Variants in MACROD2 observed in about 807,000 individuals in gnomAD.
MACROD2 encodes mono-ADP ribosylhydrolase 2.
A neutral mutation model predicts 70.4 loss-of-function variants in MACROD2; 36 were observed. That is an observed-to-expected ratio of 0.51 (90% CI 0.39 to 0.68). The LOEUF is 0.68. Ranked by LOEUF, MACROD2 falls within the 30% of genes least tolerant of loss-of-function variation. MACROD2 has a pLI of 0.00. For synonymous variants in MACROD2, 172 were observed against 178.8 expected (o/e 0.96, Z 0.30); for missense variants, 496 against 538.4 (o/e 0.92, Z 0.78).
intron 3 of MACROD2, among the ~76,000 whole-genome samples, chr20:14,346,264 T>G (rs2083063443): frequency 6.6e-6 from 1 of 152,146 alleles, no homozygotes; most frequent in Admixed American, 6.5e-5. Flanking sequence ...TCCATATGAA[T>G]AGCAAAAACA....
At chr20:14,708,508 G>A (rs997909076) in intron 5 of MACROD2, among the ~76,000 whole-genome samples, 2 of 152,216 alleles carry the variant, frequency 1.3e-5, no homozygotes, top group African/African-American at 4.8e-5. Flanking sequence ...CATGAAAGCA[G>A]CTTGGTTAGG....
chr20:15,203,816 A>C (rs1261622669), intron 5 of MACROD2, among the ~76,000 whole-genome samples: 1 of 152,102 alleles, frequency 6.6e-6, no homozygotes, highest in African/African-American at 2.4e-5. Flanking sequence ...CCACTCACTG[A>C]ACTTTTAAAA....
rs1378404867 is a variant in MACROD2, at chr20:16,051,718, A to G, written c.*1842A>G. On this transcript the variant is annotated 3_prime_UTR_variant, in exon 18 of 18. Coordinates refer to ENST00000684519, the MANE Select transcript of MACROD2 (RefSeq NM_001351661.2). ...AGTTTCTACATTTCATGCCATCTTT[A>G]TAACTCAATTGAAAGTTGCCGTCAT... The G allele has an allele frequency of 1.3e-5, 2 of 152,246 alleles. No individual in the cohort carries two copies. Among genetic ancestry groups the G allele is most frequent in the Admixed American group, 6.5e-5 (1 of 15,282 alleles). The allele number at this position is 152,246 out of a possible 1,614,324, so 9.4% of individuals were successfully genotyped here.
At chr20:14,996,217 T>C (rs528575248) in intron 5 of MACROD2, among the ~76,000 whole-genome samples, 2 of 152,250 alleles carry the variant, frequency 1.3e-5, no homozygotes, top group Non-Finnish European at 2.9e-5. Context: ...CACGGGCCAG[T>C]GTGCTCTGCA....
intron 3 of MACROD2, among the ~76,000 whole-genome samples, chr20:14,252,518 T>G (rs1287006045): frequency 6.6e-6 from 1 of 152,034 alleles, no homozygotes; most frequent in Admixed American, 6.6e-5. Context: ...CTATGTATTA[T>G]TTATATATTT....
intron 5 of MACROD2, among the ~76,000 whole-genome samples, chr20:14,916,110 T>G (rs2074088146): frequency 6.6e-6 from 1 of 152,200 alleles, no homozygotes; most frequent in Non-Finnish European, 1.5e-5. Context: ...CTGCTGAGGC[T>G]CCTCATCCTA....
chr20:14,862,004 T>TA (rs2073326767), intron 5 of MACROD2, among the ~76,000 whole-genome samples: 1 of 34,166 alleles, frequency 2.9e-5, no homozygotes, highest in African/African-American at 1.0e-4. Context: ...TATATATATA[T>TA]TTATATATAT....
At chr20:14,275,695 G>T (rs1278106203) in intron 3 of MACROD2, among the ~76,000 whole-genome samples, 2 of 152,104 alleles carry the variant, frequency 1.3e-5, no homozygotes, top group Non-Finnish European at 2.9e-5. Flanking sequence ...TGAACAGACA[G>T]CCTACAGAAT....
intron 3 of MACROD2, among the ~76,000 whole-genome samples, chr20:14,353,590 A>G (rs1282765635): frequency 1.3e-5 from 2 of 152,146 alleles, no homozygotes; most frequent in Admixed American, 6.6e-5. Flanking sequence ...TAAATAAAGA[A>G]AGCTATCAAT....
At chr20:15,144,878 T>C (rs1456012899) in intron 5 of MACROD2, among the ~76,000 whole-genome samples, 1 of 152,196 alleles carries the variant, frequency 6.6e-6, no homozygotes, top group Non-Finnish European at 1.5e-5. Flanking sequence ...TATAGTACTA[T>C]ATACTATACT....
chr20:14,064,014 A>G (rs942559872), intron 2 of MACROD2, among the ~76,000 whole-genome samples: 3 of 152,222 alleles, frequency 2.0e-5, no homozygotes, highest in Non-Finnish European at 4.4e-5. Flanking sequence ...CGCAAGAGCC[A>G]CTGAGCCTGT....
intron 4 of MACROD2, among the ~76,000 whole-genome samples, chr20:14,637,803 C>T (rs1484865910): frequency 6.6e-6 from 1 of 152,076 alleles, no homozygotes; most frequent in African/African-American, 2.4e-5. Context: ...GAAAAATTTG[C>T]TGTCTTCTTT....
At chr20:14,967,178 G>A (rs2074645246) in intron 5 of MACROD2, among the ~76,000 whole-genome samples, 1 of 152,126 alleles carries the variant, frequency 6.6e-6, no homozygotes, top group African/African-American at 2.4e-5. Flanking sequence ...CTTTCTAAAT[G>A]ATTTTTGTTA....
At chr20:14,841,218 T>C (rs1256326531) in intron 5 of MACROD2, among the ~76,000 whole-genome samples, 3 of 152,138 alleles carry the variant, frequency 2.0e-5, no homozygotes, top group Non-Finnish European at 2.9e-5. Context: ...CTTTATCACA[T>C]AGATAAAATA....
At chr20:15,069,015 G>C (rs1285410467) in intron 5 of MACROD2, among the ~76,000 whole-genome samples, 1 of 152,116 alleles carries the variant, frequency 6.6e-6, no homozygotes, top group Non-Finnish European at 1.5e-5. Flanking sequence ...GTGAAGGCCA[G>C]GCTGACTCAG....
At chr20:15,933,402 A>G in intron 11 of MACROD2, 64 bp downstream of exon 11, 1 of 1,428,192 alleles carries the variant, frequency 7.0e-7, no homozygotes, top group Non-Finnish European at 9.8e-7. Flanking sequence ...CAGTAACTTC[A>G]CTCAATGCTA....
chr20:15,006,213 G>C (rs2122916500), intron 5 of MACROD2, among the ~76,000 whole-genome samples: 1 of 149,412 alleles, frequency 6.7e-6, no homozygotes, highest in East Asian at 2.0e-4. Flanking sequence ...CTTAAAAAGA[G>C]GGAAATCCTG....
At chr20:14,763,191 TC>T (rs1288265311) in intron 5 of MACROD2, among the ~76,000 whole-genome samples, 5 of 149,142 alleles carry the variant, frequency 3.4e-5, no homozygotes, top group African/African-American at 1.2e-4. Context: ...TTTTCAAAAC[TC>T]CTTCTAAATA....
At chr20:15,556,341 A>G (rs1330994128) in intron 8 of MACROD2, among the ~76,000 whole-genome samples, 2 of 152,104 alleles carry the variant, frequency 1.3e-5, no homozygotes, top group Non-Finnish European at 2.9e-5. Flanking sequence ...CACTGTGTTT[A>G]CTTAAAGAAT....
Sources: allele counts gnomAD v4.1 joint callset (sites outside exome capture counted in the v4.1 genomes callset), GRCh38; gene constraint gnomAD v4.1.1; transcripts MANE v1.5; gene names NCBI Gene and HGNC (gene_info 2026-07-23, HGNC 2026-07-21).